CHST9: variants seen among roughly 807,000 people sequenced by gnomAD.
CHST9 encodes GalNAc-4-sulfotransferase 2.
Under a neutral mutation model 44.4 loss-of-function variants are expected in CHST9, and 41 were observed. The ratio of observed to expected loss-of-function variants is 0.92; its 90% CI spans 0.72 to 1.20. CHST9 has a LOEUF of 1.20. Ranked by LOEUF, CHST9 falls within the 50% of genes most tolerant of loss-of-function variation. The probability of loss-of-function intolerance (pLI) is 0.00; values close to 1 mark genes in which losing one functional copy is unlikely to be tolerated. For synonymous variants in CHST9, 171 were observed against 178.4 expected, an observed-to-expected ratio of 0.96 and a Z score of 0.33; for missense variants, 504 against 516.5, an observed-to-expected ratio of 0.98 and a Z score of 0.23.
chr18:27,111,457 G>A (rs2058269956), intron 2 of CHST9, among the ~76,000 whole-genome samples: 2 of 152,168 alleles, frequency 1.3e-5, no homozygotes, highest in African/African-American at 4.8e-5. Context: ...GCCAGTCAGG[G>A]CAGAACTACA....
chr18:27,124,055 T>C (rs183954878), intron 2 of CHST9, among the ~76,000 whole-genome samples: 333 of 152,280 alleles, frequency 2.2e-3, no homozygotes, highest in South Asian at 5.2e-3. Context: ...GTTAATACAG[T>C]GATTCATGCT....
At chr18:27,176,384 G>A (rs1189894792) in intron 1 of CHST9, among the ~76,000 whole-genome samples, 1 of 151,994 alleles carries the variant, frequency 6.6e-6, no homozygotes, top group East Asian at 1.9e-4. Flanking sequence ...CTACACAAAG[G>A]ATGGTGAATG....
intron 2 of CHST9, among the ~76,000 whole-genome samples, chr18:27,054,632 T>C (rs1295968520): frequency 6.6e-6 from 1 of 152,196 alleles, no homozygotes; most frequent in Non-Finnish European, 1.5e-5. Flanking sequence ...CAATTTACAG[T>C]ACATTTCAGT....
chr18:26,962,679 T>G (rs2056415553), intron 4 of CHST9, among the ~76,000 whole-genome samples: 1 of 152,188 alleles, frequency 6.6e-6, no homozygotes, highest in Non-Finnish European at 1.5e-5. Flanking sequence ...TGATAGTTGG[T>G]GCCTTTCACC....
At chr18:27,021,780 C>T (rs1317461424) in intron 4 of CHST9, among the ~76,000 whole-genome samples, 1 of 152,138 alleles carries the variant, frequency 6.6e-6, no homozygotes, top group Admixed American at 6.6e-5. Flanking sequence ...CTCAGTAACC[C>T]GTGTAAGCTA....
At chr18:27,126,349 A>G (rs569304021) in intron 2 of CHST9, among the ~76,000 whole-genome samples, 1 of 152,146 alleles carries the variant, frequency 6.6e-6, no homozygotes, top group Non-Finnish European at 1.5e-5. Flanking sequence ...CAATGGTACA[A>G]TGTTCCCCCA....
intron 3 of CHST9, among the ~76,000 whole-genome samples, chr18:27,031,365 G>A (rs537131203): frequency 2.0e-5 from 3 of 151,856 alleles, no homozygotes; most frequent in East Asian, 1.9e-4. Context: ...CTGCCATTCC[G>A]GCATGCAGCT....
chr18:27,003,421 G>A (rs2056976202), intron 4 of CHST9, among the ~76,000 whole-genome samples: 2 of 152,152 alleles, frequency 1.3e-5, no homozygotes, highest in South Asian at 2.1e-4. Flanking sequence ...GTGCAGCGAA[G>A]TTTTCTTTGT....
intron 3 of CHST9, among the ~76,000 whole-genome samples, chr18:27,036,528 T>C (rs1285595095): frequency 2.0e-5 from 3 of 152,196 alleles, no homozygotes; most frequent in Non-Finnish European, 4.4e-5. Flanking sequence ...TTTGTTAAGA[T>C]AATTTTCAAA....
chr18:26,923,202 C>G (rs1289698578), intron 5 of CHST9, among the ~76,000 whole-genome samples: 1 of 152,090 alleles, frequency 6.6e-6, no homozygotes, highest in Admixed American at 6.5e-5. Context: ...ACCATAGTGG[C>G]AAAGGCTCCA....
At chr18:27,002,983 C>T (rs148781038) in intron 4 of CHST9, among the ~76,000 whole-genome samples, 3 of 152,176 alleles carry the variant, frequency 2.0e-5, no homozygotes. Flanking sequence ...TGTAACTCAA[C>T]CACATGGGTT....
At chr18:27,008,868 C>G (rs939794624) in intron 4 of CHST9, among the ~76,000 whole-genome samples, 5 of 151,708 alleles carry the variant, frequency 3.3e-5, no homozygotes, top group African/African-American at 1.2e-4. Flanking sequence ...AATCTTGAGA[C>G]AGGATTGCAG....
chr18:27,042,795 C>T (rs1402340511), intron 3 of CHST9, among the ~76,000 whole-genome samples: 1 of 151,754 alleles, frequency 6.6e-6, no homozygotes, highest in Non-Finnish European at 1.5e-5. Context: ...CTCTCCCTCC[C>T]TCCCTCTCTC....
intron 1 of CHST9, among the ~76,000 whole-genome samples, chr18:27,174,151 T>C (rs1337152667): frequency 6.6e-6 from 1 of 151,992 alleles, no homozygotes; most frequent in African/African-American, 2.4e-5. Flanking sequence ...GTTCCAATAT[T>C]ATCCTTTATA....
At chr18:26,979,258 A>C (rs2056662928) in intron 4 of CHST9, among the ~76,000 whole-genome samples, 1 of 152,132 alleles carries the variant, frequency 6.6e-6, no homozygotes, top group African/African-American at 2.4e-5. Flanking sequence ...TTATAATAGA[A>C]TATTTGGGGG....
Position 26,913,428 on chromosome 18 carries a change from T to C in CHST9, c.*2831A>G, listed in dbSNP as rs2145037089. ...ACATTTCCATTGAAGTTTATGGCAG[T>C]TTCTGGGCACAATCACATCAATATT... On this transcript the variant is annotated 3_prime_UTR_variant, in exon 6 of 6. Coordinates refer to ENST00000618847, the MANE Select transcript of CHST9 (RefSeq NM_031422.6). 6.6e-6 allele frequency: 1 copy of C among 152,346 alleles called. No homozygotes were observed. The highest frequency in any genetic ancestry group is 2.1e-4 in the South Asian group (1 of 4,828). The allele number at this position is 152,346 out of a possible 1,614,324, so 9.4% of individuals were successfully genotyped here.
At chr18:27,123,255 C>T (rs76880192) in intron 2 of CHST9, among the ~76,000 whole-genome samples, 1 of 152,078 alleles carries the variant, frequency 6.6e-6, no homozygotes, top group Admixed American at 6.6e-5. Flanking sequence ...AGCTGAAACT[C>T]CATTGATCAC....
At chr18:26,928,379 A>G (rs232338) in intron 5 of CHST9, 65,197 of 151,982 alleles carry the variant, frequency 0.43, 14,431 homozygotes, top group East Asian at 0.71. Flanking sequence ...AAGTACAAGA[A>G]AGAAGAAAGT....
At chr18:27,044,225 T>C (rs576306825) in intron 3 of CHST9, among the ~76,000 whole-genome samples, 1 of 152,182 alleles carries the variant, frequency 6.6e-6, no homozygotes, top group South Asian at 2.1e-4. Flanking sequence ...GTGTACTTGC[T>C]TTTCTCCCTG....
Sources: gnomAD v4.1 joint callset for allele counts (sites outside exome capture counted in the v4.1 genomes callset) on GRCh38, gnomAD v4.1.1 for gene constraint, MANE v1.5 for transcripts, NCBI Gene and HGNC (gene_info 2026-07-23, HGNC 2026-07-21) for gene names.